CABLES1: variants seen among roughly 807,000 people sequenced by gnomAD.
The protein encoded by CABLES1 is CDK5 and ABL1 enzyme substrate 1.
Under a neutral mutation model 57.8 loss-of-function variants are expected in CABLES1, and 36 were observed. The ratio of observed to expected loss-of-function variants is 0.62; its 90% CI spans 0.48 to 0.82. The LOEUF (loss-of-function observed/expected upper bound fraction) is 0.82. CABLES1 is among the 40% of genes least tolerant of loss of function. The probability of loss-of-function intolerance (pLI) is 0.00; values close to 1 mark genes in which losing one functional copy is unlikely to be tolerated. For missense variants in CABLES1, 767 were observed against 836.6 expected (o/e 0.92, Z 1.03); for synonymous variants, 374 against 363.0 (o/e 1.03, Z -0.35).
chr18:23,243,101 T>C (rs539176476), intron 7 of CABLES1, among the ~76,000 whole-genome samples: 20 of 151,556 alleles, frequency 1.3e-4, no homozygotes, highest in Admixed American at 6.6e-4. Context: ...ACTATATATA[T>C]ATCTATTTCC....
chr18:23,255,594 C>T (rs2048144243), intron 9 of CABLES1, among the ~76,000 whole-genome samples: 2 of 146,512 alleles, frequency 1.4e-5, no homozygotes, highest in African/African-American at 2.5e-5. Flanking sequence ...GGGTCTCACT[C>T]TGTCACCCAG....
Position 23,255,716 on chromosome 18 carries a change from C to T in CABLES1, c.1762-1511C>T, listed in dbSNP as rs187309088. Among the ~76,000 whole-genome samples the T allele has an allele frequency of 1.1e-4, 16 of 152,024 alleles. No individual in the cohort carries two copies. In the East Asian group the frequency reaches 1.7e-3, roughly 17 times the overall value. Reference sequence around the variant, plus strand: ...CTGGAACTACAGGCATGTACCACTGCGCCTGGCTAATTTTTTTTATTTTTT... The same window carrying T: ...CTGGAACTACAGGCATGTACCACTGTGCCTGGCTAATTTTTTTTATTTTTT... On this transcript the variant is annotated intron_variant, in intron 9 of 9. Coordinates refer to ENST00000256925, the MANE Select transcript of CABLES1 (RefSeq NM_001100619.3).
rs1230509322 is a variant in CABLES1, at chr18:23,136,116, C to G, written c.354C>G (p.Gly118=). 2.5e-6 allele frequency: 3 copies of G among 1,191,546 alleles called. No homozygotes were observed. The African/African-American group carries it at 4.8e-5, about 19-fold the overall frequency. The allele number at this position is 1,191,546 out of a possible 1,614,324, so 73.8% of individuals were successfully genotyped here. A position where few individuals can be genotyped will look rare whatever the true frequency, so the allele number is the denominator to read the frequency against. The change falls in exon 1 of 10, where the codon GGC becomes GGG. Residue 118 remains glycine (G), a synonymous_variant. Coordinates refer to ENST00000256925, the MANE Select transcript of CABLES1 (RefSeq NM_001100619.3). The part of the protein sequence containing the change: ...FSLLAAAERG[G]CIALAAPGTP... ...TGCTCGCCGCTGCCGAGCGGGGCGG[C>G]TGCATCGCGCTCGCCGCGCCGGGCA...
Position 23,181,875 on chromosome 18 carries a change from T to A in CABLES1, c.846-6963T>A, listed in dbSNP as rs114456170. Among the ~76,000 whole-genome samples the A allele has an allele frequency of 4.0e-3, 615 of 152,248 alleles. 3 individuals carry two copies. The highest frequency in any genetic ancestry group is 0.014 in the African/African-American group (580 of 41,544). ...TAATAAGTTGTTTCTATGCTTGGGG[T>A]TTATTTGGTCATAATAACTGTCTGG... On this transcript the variant is annotated intron_variant, in intron 1 of 9. Transcript: ENST00000256925.
intron 1 of CABLES1, among the ~76,000 whole-genome samples, chr18:23,157,913 G>C (rs532095345): frequency 6.6e-6 from 1 of 152,232 alleles, no homozygotes; most frequent in African/African-American, 2.4e-5. Flanking sequence ...TCCTGGCTTT[G>C]CTATTCTCCA....
rs2145154645 is a variant in CABLES1, at chr18:23,260,068, A to G, written c.*2701A>G. 6.6e-6 allele frequency: 1 copy of G among 152,274 alleles called. No individual in the cohort carries two copies. The highest frequency in any genetic ancestry group is 1.9e-4 in the East Asian group (1 of 5,164). The allele number at this position is 152,274 out of a possible 1,614,324, so 9.4% of individuals were successfully genotyped here. On this transcript the variant is annotated 3_prime_UTR_variant, in exon 10 of 10. Coordinates refer to ENST00000256925, the MANE Select transcript of CABLES1 (RefSeq NM_001100619.3). Reference sequence around the variant, plus strand: ...AGAGACAGGAAGCAGACAAGCCAAGAGGTTGCTGCAGCTGCCCCCAGGAGG... The same window carrying G: ...AGAGACAGGAAGCAGACAAGCCAAGGGGTTGCTGCAGCTGCCCCCAGGAGG...
intron 6 of CABLES1, 45 bp downstream of exon 6, chr18:23,236,096 G>A (rs756046522): frequency 1.3e-6 from 2 of 1,595,112 alleles, no homozygotes; most frequent in South Asian, 2.2e-5. Flanking sequence ...GTGGGAGGGA[G>A]GTGCCTCCAT....
At chr18:23,209,757 G>A (rs2047390476) in intron 3 of CABLES1, among the ~76,000 whole-genome samples, 1 of 152,186 alleles carries the variant, frequency 6.6e-6, no homozygotes. Flanking sequence ...ACAAGGCTCC[G>A]GTTTTTTGGC....
chr18:23,157,615 T>C (rs904615356), intron 1 of CABLES1, among the ~76,000 whole-genome samples: 4 of 152,156 alleles, frequency 2.6e-5, no homozygotes, highest in African/African-American at 9.7e-5. Context: ...CCTTAAATGA[T>C]GGAATTTAAA....
chr18:23,211,527 A>T (rs1401477899), intron 3 of CABLES1, among the ~76,000 whole-genome samples: 42 of 152,240 alleles, frequency 2.8e-4, no homozygotes, highest in Non-Finnish European at 1.5e-4. Context: ...TGCACTGGGC[A>T]TGGTGACCCA....
At position 23,257,246 on chromosome 18, in the gene CABLES1, G is replaced by A. The variant is rs186772636; in HGVS notation, c.1781G>A (p.Arg594Gln). ...TTGCAGAAACTGGAAGAGAAGTTCC[G>A]GCTGAACAGGCGAGAACTGATTGCC... ...HLIDKLEEKFRLNRRELIAFE... is the reference protein window; with the variant it reads ...HLIDKLEEKFQLNRRELIAFE... Residue 594 changes from arginine to glutamine, a missense_variant, in exon 10 of 10, where the codon CGG becomes CAG. Arg to Gln is a conservative substitution (Grantham distance 43, BLOSUM62 1). This residue lies in a region of CABLES1 where 15 missense variants were observed against 41.0 expected (regional missense o/e 0.37). Transcript: ENST00000256925. 7 of 1,605,760 alleles carry A rather than the reference G, an allele frequency of 4.4e-6. No homozygotes were observed. The highest frequency in any genetic ancestry group is 1.1e-5 in the South Asian group (1 of 88,776).
chr18:23,248,250 G>T (rs1356921948), intron 7 of CABLES1, among the ~76,000 whole-genome samples: 1 of 152,196 alleles, frequency 6.6e-6, no homozygotes, highest in Non-Finnish European at 1.5e-5. Flanking sequence ...CCTTTATGGG[G>T]ATCAGAAGCT....
chr18:23,158,673 G>A (rs147347461), intron 1 of CABLES1, among the ~76,000 whole-genome samples: 296 of 152,304 alleles, frequency 1.9e-3, no homozygotes, highest in African/African-American at 6.4e-3. Context: ...GTCAGAGTCT[G>A]TGTCATTTTT....
rs1321512754 is a variant in CABLES1 at position 23,136,290 on chromosome 18, G to C, written c.528G>C (p.Ser176=). Residue 176 remains serine (S), a synonymous_variant, in exon 1 of 10, where the codon TCG becomes TCC. Coordinates refer to ENST00000256925, the MANE Select transcript of CABLES1 (RefSeq NM_001100619.3). ...FASPLGAGRA[S]GEQWQPPRPA... The stretch of plus-strand genomic sequence containing the variant: ...GTCCCCTGGGCGCCGGCCGGGCGTC[G>C]GGGGAGCAGTGGCAGCCGCCCCGGC... 1.5e-6 allele frequency: 2 copies of C among 1,374,528 alleles called. No homozygotes were observed. Among genetic ancestry groups the C allele is most frequent in the Admixed American group, 8.1e-5 (2 of 24,814 alleles). The allele number at this position is 1,374,528 out of a possible 1,614,324, so 85.1% of individuals were successfully genotyped here. A position where few individuals can be genotyped will look rare whatever the true frequency, so the allele number is the denominator to read the frequency against.
intron 4 of CABLES1, among the ~76,000 whole-genome samples, chr18:23,224,264 C>T (rs779702200): frequency 4.6e-5 from 7 of 152,032 alleles, no homozygotes; most frequent in African/African-American, 1.7e-4. Flanking sequence ...CTGCCATCCA[C>T]CTCCTTTGGT....
At chr18:23,234,759 A>T in intron 5 of CABLES1, 55 bp downstream of exon 5, 1 of 1,427,696 alleles carries the variant, frequency 7.0e-7, no homozygotes. Context: ...AAGGGTCAGG[A>T]AGCAGAGGAG....
At chr18:23,139,761 C>T (rs144294479) in intron 1 of CABLES1, among the ~76,000 whole-genome samples, 1,848 of 152,270 alleles carry the variant, frequency 0.012, 15 homozygotes, top group Non-Finnish European at 0.02. Context: ...ATATGATAAT[C>T]TAACTTAGTT....
intron 7 of CABLES1, among the ~76,000 whole-genome samples, chr18:23,247,560 C>G (rs2047927634): frequency 6.6e-6 from 1 of 152,212 alleles, no homozygotes; most frequent in Admixed American, 6.5e-5. Flanking sequence ...CCCCACAGAT[C>G]AGGTGCCTGC....
intron 4 of CABLES1, chr18:23,214,319 G>A: frequency 2.9e-6 from 1 of 350,432 alleles, no homozygotes; most frequent in South Asian, 5.2e-5. Flanking sequence ...ACTTGCTTTA[G>A]CAAGAACATT....
Sources: gnomAD v4.1 joint callset for allele counts (sites outside exome capture counted in the v4.1 genomes callset) on GRCh38, gnomAD v4.1.1 for gene constraint, gnomAD v4.1.1 regional missense constraint, MANE v1.5 for transcripts, NCBI Gene and HGNC (gene_info 2026-07-23, HGNC 2026-07-21) for gene names.